MGAM: variants seen among roughly 807,000 people sequenced by gnomAD.
MGAM encodes alpha-1,4-glucosidase.
Under a neutral mutation model 358.8 loss-of-function variants are expected in MGAM, and 253 were observed. The observed-to-expected ratio is 0.71, with a 90% CI of 0.64 to 0.78. The LOEUF is 0.78. Ranked by LOEUF, MGAM falls within the 30% of genes least tolerant of loss-of-function variation. The pLI is 0.00. For missense variants in MGAM, 3,080 were observed against 3,432.6 expected (o/e 0.90, Z 2.57); for synonymous variants, 1,105 against 1,227.1 (o/e 0.90, Z 2.08).
At chr7:142,062,355 A>G (rs1812294265) in intron 34 of MGAM, among the ~76,000 whole-genome samples, 1 of 152,114 alleles carries the variant, frequency 6.6e-6, no homozygotes, top group South Asian at 2.1e-4. Context: ...CAGTTTTTGG[A>G]TGTTTTCCAA....
chr7:142,083,337 G>A lies in MGAM; in HGVS notation c.6305G>A (p.Arg2102His), dbSNP rs762076455. Reference protein sequence around the residue: ...TFQPLPALTYRTTGGVLDFYV... With the variant: ...TFQPLPALTYHTTGGVLDFYV... The stretch of plus-strand genomic sequence containing the variant: ...CAGCCCCTGCCTGCCTTGACATACC[G>A]TACCACAGGGGGAGTTCTGGACTTT... The change falls in exon 53 of 71, where the codon CGT becomes CAT. Residue 2102 changes from arginine to histidine, a missense_variant. Coordinates refer to ENST00000475668, the MANE Select transcript of MGAM (RefSeq NM_001365693.1). The A allele has an allele frequency of 1.3e-5, 20 of 1,553,746 alleles. 2 individuals carry two copies. The highest frequency in any genetic ancestry group is 5.6e-5 in the South Asian group (5 of 88,768).
At chr7:142,066,867 G>C (rs1345449096) in intron 41 of MGAM, 146 bp downstream of exon 41, 4 of 1,079,844 alleles carry the variant, frequency 3.7e-6, no homozygotes, top group East Asian at 2.4e-5. Context: ...CCTGATTACT[G>C]TCTTTAGCAC....
At chr7:142,028,997 C>T (rs1807215760) in intron 10 of MGAM, among the ~76,000 whole-genome samples, 1 of 152,126 alleles carries the variant, frequency 6.6e-6, no homozygotes. Context: ...GTGGTGAACT[C>T]TCGTGGCAGG....
chr7:142,060,344 G>A lies in MGAM; in HGVS notation c.4093G>A (p.Gly1365Arg). ...TGATTTTCCTGATGTTGTTGTGAAT[G>A]GGTCTCTAGACTGGGACAGCCAAGT... is the stretch of plus-strand genomic sequence containing the variant. ...WPDFPDVVVN[G>R]SLDWDSQVEL... Residue 1365 changes from glycine to arginine, a missense_variant, in exon 34 of 71, where the codon GGG (glycine) becomes AGG (arginine). Physicochemically the swap from Gly to Arg is moderately radical, Grantham distance 125. This residue lies in a region of MGAM where 1,816 missense variants were observed against 1,840.5 expected (regional missense o/e 0.99). Transcript: ENST00000475668. The A allele has an allele frequency of 6.2e-7, 1 of 1,614,062 alleles. No homozygotes were observed. Among genetic ancestry groups the A allele is most frequent in the Non-Finnish European group, 8.5e-7 (1 of 1,179,880 alleles).
intron 8 of MGAM, among the ~76,000 whole-genome samples, chr7:142,025,936 C>G (rs1554460809): frequency 6.6e-6 from 1 of 151,894 alleles, no homozygotes; most frequent in South Asian, 2.1e-4. Context: ...TACCAAATAA[C>G]CTAAGAATAG....
At chr7:142,037,880 T>C (rs1219980211) in intron 18 of MGAM, among the ~76,000 whole-genome samples, 3 of 152,154 alleles carry the variant, frequency 2.0e-5, no homozygotes, top group African/African-American at 7.2e-5. Flanking sequence ...CTCGAGCATT[T>C]ATCCTTTGAG....
In MGAM at chr7:142,074,697, T is replaced by A. The variant is rs760092870; in HGVS notation, c.5275+524T>A. 1.4e-5 allele frequency among the ~76,000 whole-genome samples: 2 copies of A among 146,492 alleles called. 1 individual carries two copies. The highest frequency in any genetic ancestry group is 3.1e-5 in the Non-Finnish European group (2 of 64,672). On this transcript the variant is annotated intron_variant, in intron 45 of 70. Coordinates refer to ENST00000475668, the MANE Select transcript of MGAM (RefSeq NM_001365693.1). ...TTGGAAGCCCTTGGAAGGGAATCTT[T>A]GCAATGTTCTGGTAGAAAAGAGAAG...
At chr7:142,095,801 T>C (rs1219386964) in intron 64 of MGAM, 88 bp downstream of exon 64, 2 of 1,560,222 alleles carry the variant, frequency 1.3e-6, no homozygotes, top group Non-Finnish European at 1.7e-6. Context: ...ATTAAAGACA[T>C]GATTGCCTTT....
At chr7:142,026,464 A>G (rs543756868) in intron 8 of MGAM, among the ~76,000 whole-genome samples, 1 of 152,326 alleles carries the variant, frequency 6.6e-6, no homozygotes, top group Non-Finnish European at 1.5e-5. Flanking sequence ...ACACACAGCA[A>G]TTCTCAGTGA....
intron 45 of MGAM, among the ~76,000 whole-genome samples, chr7:142,075,876 G>T (rs1254869259): frequency 2.1e-5 from 3 of 145,716 alleles, no homozygotes; most frequent in East Asian, 2.0e-4. Context: ...TAGAATGGAG[G>T]TTCCTCAAAA....
chr7:142,081,498 T>C (rs12703419), intron 50 of MGAM, among the ~76,000 whole-genome samples: 11,271 of 144,902 alleles, frequency 0.078, 1,986 homozygotes, highest in Admixed American at 0.12. Flanking sequence ...GGCCAGGAGA[T>C]GAAGCGAAGC....
In MGAM at chr7:142,083,258, G is replaced by A. The variant is rs751836276; in HGVS notation, c.6269-43G>A. Reference sequence around the variant, plus strand: ...GTGGATTTCAGGGGTGATTCATGACGTGGAAAGTTTCCAGCTTGATTAGCA... The same window carrying A: ...GTGGATTTCAGGGGTGATTCATGACATGGAAAGTTTCCAGCTTGATTAGCA... On this transcript the variant is annotated intron_variant, in intron 52 of 70. Coordinates refer to ENST00000475668, the MANE Select transcript of MGAM (RefSeq NM_001365693.1). 2.6e-5 allele frequency: 37 copies of A among 1,410,240 alleles called. 4 individuals carry two copies. The East Asian group carries it at 4.8e-4, about 18-fold the overall frequency. The allele number at this position is 1,410,240 out of a possible 1,614,324, so 87.4% of individuals were successfully genotyped here.
At chr7:142,033,031 A>G (rs1381632128) in intron 14 of MGAM, 122 bp downstream of exon 14, 1 of 568,970 alleles carries the variant, frequency 1.8e-6, no homozygotes, top group Non-Finnish European at 3.0e-6. Flanking sequence ...AAAAAGAAAT[A>G]TGTGGGTAAT....
In MGAM at chr7:142,089,525, G is replaced by A. The variant is rs565229710; in HGVS notation, c.6811-2388G>A. ...CATTGAAAGTTATTAAAAGTAGGCC[G>A]GGCATGGTGGCTCATGCCTGCAATC... On this transcript the variant is annotated intron_variant, in intron 57 of 70. Transcript: ENST00000475668. Among the ~76,000 whole-genome samples the A allele has an allele frequency of 1.8e-4, 26 of 146,410 alleles. 2 individuals are homozygous for A. The South Asian group carries it at 5.0e-3, about 28-fold the overall frequency.
At chr7:141,997,343 T>C (rs1372782439) in intron 1 of MGAM, among the ~76,000 whole-genome samples, 1 of 152,162 alleles carries the variant, frequency 6.6e-6, no homozygotes, top group Non-Finnish European at 1.5e-5. Context: ...TTTGTTGTGC[T>C]GGTAGGTCCC....
chr7:142,045,259 ATATATAT>A, intron 21 of MGAM, among the ~76,000 whole-genome samples: 1 of 76,750 alleles, frequency 1.3e-5, no homozygotes, highest in African/African-American at 5.1e-5. Context: ...ATGATATATA[ATATATAT>A]TATATATACC....
chr7:142,056,402 A>G (rs1811546218), intron 29 of MGAM, among the ~76,000 whole-genome samples: 1 of 152,162 alleles, frequency 6.6e-6, no homozygotes, highest in African/African-American at 2.4e-5. Flanking sequence ...GGGTAAAACT[A>G]TGGGTCAGAG....
chr7:142,042,847 T>C (rs1294892838), intron 21 of MGAM, among the ~76,000 whole-genome samples: 7,685 of 42,056 alleles, frequency 0.18, 786 homozygotes, highest in Non-Finnish European at 0.27. Context: ...TATATATACA[T>C]ATAATATCTA....
intron 21 of MGAM, among the ~76,000 whole-genome samples, chr7:142,043,109 T>C (rs1191642814): frequency 4.6e-4 from 24 of 52,248 alleles, no homozygotes; most frequent in African/African-American, 2.4e-3. Flanking sequence ...ATACATATAA[T>C]ATCTAAATAT....
Sources: allele counts gnomAD v4.1 joint callset (sites outside exome capture counted in the v4.1 genomes callset), GRCh38; gene constraint gnomAD v4.1.1; regional missense constraint gnomAD v4.1.1; transcripts MANE v1.5; gene names NCBI Gene and HGNC (gene_info 2026-07-23, HGNC 2026-07-21).